The following RORA variants were observed in gnomAD, a reference collection of about 807,000 sequenced individuals.
RORA encodes the protein nuclear receptor ROR-alpha.
A neutral mutation model predicts 69.5 loss-of-function variants in RORA; 7 were observed. The ratio of observed to expected loss-of-function variants is 0.10; its 90% CI spans 0.06 to 0.19. The LOEUF is 0.19. Ranked by LOEUF, RORA falls within the 10% of genes least tolerant of loss-of-function variation. The pLI is 1.00. For missense variants in RORA, 457 were observed against 663.0 expected, an observed-to-expected ratio of 0.69 and a Z score of 3.41; for synonymous variants, 261 against 240.8, an observed-to-expected ratio of 1.08 and a Z score of -0.78.
At chr15:60,523,663 T>C (rs184397382) in intron 3 of RORA, among the ~76,000 whole-genome samples, 19 of 152,244 alleles carry the variant, frequency 1.2e-4, no homozygotes, top group African/African-American at 3.1e-4. Flanking sequence ...AGAGCCCCCA[T>C]TGACTTTCTG....
At chr15:60,705,681 T>C (rs1484714186) in intron 1 of RORA, among the ~76,000 whole-genome samples, 3 of 152,160 alleles carry the variant, frequency 2.0e-5, no homozygotes, top group African/African-American at 7.2e-5. Context: ...ATCCATCCCA[T>C]TCCCTTCACC....
At chr15:61,106,517 T>A (rs1422017381) in intron 1 of RORA, among the ~76,000 whole-genome samples, 1 of 152,206 alleles carries the variant, frequency 6.6e-6, no homozygotes, top group African/African-American at 2.4e-5. Flanking sequence ...CTTTGTTCCA[T>A]CCATCCAAAT....
chr15:60,905,443 C>T lies in RORA; in HGVS notation c.167-226757G>A, dbSNP rs1891510315. Reference sequence around the variant, plus strand: ...TTTTTAAACAGGGACCACTGTGCTTCCTTTCAAGTGACAAGAGTTGTGACA... The same window carrying T: ...TTTTTAAACAGGGACCACTGTGCTTTCTTTCAAGTGACAAGAGTTGTGACA... On this transcript the variant is annotated intron_variant, in intron 1 of 10. Transcript: ENST00000335670. The surrounding 1 kb of genome is among the most constrained non-coding windows in gnomAD (Gnocchi z 4.8). Among the ~76,000 whole-genome samples, 1 of 152,012 alleles carries T rather than the reference C, an allele frequency of 6.6e-6. No individual in the cohort carries two copies. Among genetic ancestry groups the T allele is most frequent in the South Asian group, 2.1e-4 (1 of 4,812 alleles).
intron 3 of RORA, among the ~76,000 whole-genome samples, chr15:60,518,320 A>G (rs1595898474): frequency 6.6e-6 from 1 of 152,376 alleles, no homozygotes; most frequent in East Asian, 1.9e-4. Context: ...GACTGTTAAC[A>G]TAGAAGCATA....
chr15:61,209,685 G>C (rs1039279539), intron 1 of RORA, among the ~76,000 whole-genome samples: 1 of 152,206 alleles, frequency 6.6e-6, no homozygotes, highest in South Asian at 2.1e-4. Flanking sequence ...AGCTAACTAA[G>C]ACAGCCAAAT....
chr15:60,820,983 T>C (rs2140378646), intron 1 of RORA, among the ~76,000 whole-genome samples: 1 of 125,870 alleles, frequency 7.9e-6, no homozygotes, highest in East Asian at 2.5e-4. Context: ...GCTCTGCAAT[T>C]CTATGCTTCT....
At chr15:61,178,105 C>T (rs1225662091) in intron 1 of RORA, among the ~76,000 whole-genome samples, 1 of 152,296 alleles carries the variant, frequency 6.6e-6, no homozygotes, top group Middle Eastern at 3.4e-3. Context: ...AAGTGTTACA[C>T]TGGAAAGTGT....
chr15:61,110,493 G>C lies in RORA; in HGVS notation c.166+118560C>G, dbSNP rs1012832511. The stretch of plus-strand genomic sequence containing the variant: ...CTGGTTTGTGTATTTATTATAATAT[G>C]CTTCATATTGTCATTTTAGAGTGTA... On this transcript the variant is annotated intron_variant, in intron 1 of 10. Transcript: ENST00000335670. Among the ~76,000 whole-genome samples the C allele has an allele frequency of 2.0e-5, 3 of 151,900 alleles. No homozygotes were observed. The South Asian group carries it at 6.2e-4, about 32-fold the overall frequency.
At chr15:60,920,341 C>G (rs1441560291) in intron 1 of RORA, among the ~76,000 whole-genome samples, 1 of 152,168 alleles carries the variant, frequency 6.6e-6, no homozygotes, top group African/African-American at 2.4e-5. Flanking sequence ...GAAGCAGACT[C>G]AGAATTAAGT....
intron 1 of RORA, among the ~76,000 whole-genome samples, chr15:61,055,156 T>C (rs2078076847): frequency 6.6e-6 from 1 of 151,922 alleles, no homozygotes; most frequent in Admixed American, 6.5e-5. Context: ...GTCTTGAACT[T>C]ATCTGGTTAA....
At chr15:61,179,851 C>T (rs1056371984) in intron 1 of RORA, among the ~76,000 whole-genome samples, 4 of 151,998 alleles carry the variant, frequency 2.6e-5, no homozygotes, top group African/African-American at 7.2e-5. Flanking sequence ...AAGACAAAAC[C>T]GTAGGCTGGG....
intron 1 of RORA, among the ~76,000 whole-genome samples, chr15:61,127,185 C>A (rs1201269451): frequency 2.6e-5 from 4 of 152,156 alleles, no homozygotes; most frequent in Admixed American, 1.3e-4. Context: ...TGCCCCCTGA[C>A]CTTGAGTGTG....
chr15:60,882,050 G>T (rs778549265), intron 1 of RORA, among the ~76,000 whole-genome samples: 1 of 152,186 alleles, frequency 6.6e-6, no homozygotes, highest in African/African-American at 2.4e-5. Context: ...TCCCCAGTAT[G>T]CTGCCCGTGC....
intron 1 of RORA, among the ~76,000 whole-genome samples, chr15:61,109,962 G>A (rs1269071118): frequency 3.3e-5 from 5 of 152,150 alleles, no homozygotes; most frequent in East Asian, 3.8e-4. Context: ...ATATGACAGC[G>A]GTCCCACAGG....
At chr15:60,615,046 C>T in intron 2 of RORA, 5 of 1,605,214 alleles carry the variant, frequency 3.1e-6, no homozygotes, top group Non-Finnish European at 4.3e-6. Context: ...GAAAACAGAA[C>T]AGCGTCAACC....
chr15:60,626,910 C>A (rs1230717659), intron 2 of RORA, among the ~76,000 whole-genome samples: 1 of 152,170 alleles, frequency 6.6e-6, no homozygotes, highest in African/African-American at 2.4e-5. Context: ...CCTTCTCCAC[C>A]TCAAATCTCT....
chr15:60,705,934 C>T (rs1374863369), intron 1 of RORA, among the ~76,000 whole-genome samples: 2 of 152,028 alleles, frequency 1.3e-5, no homozygotes, highest in African/African-American at 4.8e-5. Context: ...CTAATTAATC[C>T]TCTTAGGGTC....
intron 1 of RORA, among the ~76,000 whole-genome samples, chr15:60,843,004 C>T (rs745389741): frequency 1.3e-5 from 2 of 152,098 alleles, no homozygotes; most frequent in African/African-American, 2.4e-5. Flanking sequence ...TCTCTGTCCA[C>T]CCTTCTCGTT....
intron 1 of RORA, among the ~76,000 whole-genome samples, chr15:61,216,894 C>G (rs1187320578): frequency 6.6e-6 from 1 of 152,178 alleles, no homozygotes; most frequent in Non-Finnish European, 1.5e-5. Context: ...CTCCTCCCAG[C>G]AGGCTTGTAA....
Sources: allele counts gnomAD v4.1 joint callset (sites outside exome capture counted in the v4.1 genomes callset), GRCh38; gene constraint gnomAD v4.1.1; non-coding constraint Gnocchi (gnomAD v3.1); transcripts MANE v1.5; gene names NCBI Gene and HGNC (gene_info 2026-07-23, HGNC 2026-07-21).